The following SPMIP2 variants were observed in gnomAD, a reference collection of about 807,000 sequenced individuals.
SPMIP2 encodes the protein sperm microtubule inner protein 2.
the SPMIP2 span, among the ~76,000 whole-genome samples, chr4:159,058,336 A>G: frequency 6.6e-6 from 1 of 152,182 alleles, no homozygotes; most frequent in East Asian, 1.9e-4. Flanking sequence ...TCAAATCACA[A>G]TGTGCAATTT....
the SPMIP2 span, among the ~76,000 whole-genome samples, chr4:159,062,697 GTCTCTCTCTC>G: frequency 2.1e-5 from 2 of 95,150 alleles, no homozygotes; most frequent in African/African-American, 7.3e-5. Context: ...TTGAAACAGG[GTCTCTCTCTC>G]TCTCTCTCTC....
the SPMIP2 span, among the ~76,000 whole-genome samples, chr4:158,985,371 G>A: frequency 6.8e-6 from 1 of 147,858 alleles, no homozygotes; most frequent in South Asian, 2.2e-4. Context: ...GAACATTGAT[G>A]CAAAAATCCT....
At chr4:159,015,103 C>T in the SPMIP2 span, among the ~76,000 whole-genome samples, 6 of 152,332 alleles carry the variant, frequency 3.9e-5, no homozygotes, top group South Asian at 1.0e-3. Flanking sequence ...AATAATTTAA[C>T]AATATCGTCA....
the SPMIP2 span, among the ~76,000 whole-genome samples, chr4:159,053,693 G>T: frequency 1.3e-5 from 2 of 152,216 alleles, no homozygotes; most frequent in Admixed American, 6.5e-5. Flanking sequence ...TCCATGGGTG[G>T]TATAAGGTTG....
the SPMIP2 span, among the ~76,000 whole-genome samples, chr4:159,039,159 G>C: frequency 5.3e-5 from 8 of 151,984 alleles, no homozygotes; most frequent in African/African-American, 1.9e-4. Context: ...GGCTGGTCTG[G>C]AACTCCTGGG....
the SPMIP2 span, among the ~76,000 whole-genome samples, chr4:158,931,957 C>T: frequency 2.0e-5 from 3 of 151,984 alleles, no homozygotes; most frequent in Non-Finnish European, 2.9e-5. Flanking sequence ...GATACAATTT[C>T]CTTTAGTGCT....
the SPMIP2 span, among the ~76,000 whole-genome samples, chr4:159,049,354 TGAG>T: frequency 1.3e-5 from 2 of 152,230 alleles, no homozygotes; most frequent in Admixed American, 1.3e-4. Context: ...TGAAAATGGT[TGAG>T]AAGATGTAAG....
the SPMIP2 span, among the ~76,000 whole-genome samples, chr4:159,048,541 C>A: frequency 6.6e-6 from 1 of 151,968 alleles, no homozygotes; most frequent in Admixed American, 6.6e-5. Context: ...TGGACGTAAC[C>A]TAGAGCCACC....
the SPMIP2 span, among the ~76,000 whole-genome samples, chr4:158,930,191 GTCTCTCTCTCTCTC>G: frequency 6.9e-6 from 1 of 144,250 alleles, no homozygotes. Flanking sequence ...GAGGATCTCA[GTCTCTCTCTCTCTC>G]TCTCTCTCTC....
the SPMIP2 span, among the ~76,000 whole-genome samples, chr4:158,992,065 T>C: frequency 1.3e-5 from 2 of 152,230 alleles, no homozygotes; most frequent in East Asian, 3.9e-4. Context: ...CTAATTATTA[T>C]TATTATTTGT....
At chr4:159,007,803 C>A in the SPMIP2 span, 1 of 572,610 alleles carries the variant, frequency 1.7e-6, no homozygotes. Context: ...AATTGTCAAC[C>A]CGAAGGGTGA....
At chr4:158,928,976 G>T in the SPMIP2 span, among the ~76,000 whole-genome samples, 5 of 152,120 alleles carry the variant, frequency 3.3e-5, no homozygotes, top group Admixed American at 6.5e-5. Flanking sequence ...CTCCAGACGC[G>T]CCACCTTAAG....
chr4:158,914,796 G>A, the SPMIP2 span, among the ~76,000 whole-genome samples: 1 of 152,144 alleles, frequency 6.6e-6, no homozygotes, highest in Non-Finnish European at 1.5e-5. Flanking sequence ...GAATTCAAAC[G>A]GGTATAAGCT....
At chr4:158,901,128 ATTTTTTTTTTT>A in the SPMIP2 span, among the ~76,000 whole-genome samples, 503 of 112,300 alleles carry the variant, frequency 4.5e-3, no homozygotes, top group Middle Eastern at 0.033. Flanking sequence ...CTGGGTTGAA[ATTTTTTTTTTT>A]TTTTTTTTTT....
chr4:158,973,941 G>A, the SPMIP2 span, among the ~76,000 whole-genome samples: 1 of 136,250 alleles, frequency 7.3e-6, no homozygotes, highest in Non-Finnish European at 1.5e-5. Flanking sequence ...AGCTATGACT[G>A]TGCCACTGCA....
chr4:159,034,156 A>G, the SPMIP2 span, among the ~76,000 whole-genome samples: 37 of 152,308 alleles, frequency 2.4e-4, no homozygotes, highest in African/African-American at 8.9e-4. Flanking sequence ...ATAATTTGGA[A>G]AAAAAGGAAA....
the SPMIP2 span, chr4:158,905,954 TTATGAAG>T: frequency 3.3e-5 from 5 of 152,198 alleles, no homozygotes; most frequent in South Asian, 1.0e-3. Flanking sequence ...GAACCTAAGA[TTATGAAG>T]TAATTTCCCT....
At chr4:158,998,197 T>C in the SPMIP2 span, among the ~76,000 whole-genome samples, 1 of 152,192 alleles carries the variant, frequency 6.6e-6, no homozygotes, top group East Asian at 1.9e-4. Flanking sequence ...ATTTTTCTTT[T>C]AACTTTTTTC....
At chr4:158,958,427 T>C in the SPMIP2 span, among the ~76,000 whole-genome samples, 3 of 152,170 alleles carry the variant, frequency 2.0e-5, no homozygotes, top group African/African-American at 7.2e-5. Context: ...AGCCACTGTG[T>C]CCAGCCAATA....
Sources: allele counts gnomAD v4.1 joint callset (sites outside exome capture counted in the v4.1 genomes callset), GRCh38; gene constraint gnomAD v4.1.1; transcripts MANE v1.5; gene names NCBI Gene and HGNC (gene_info 2026-07-23, HGNC 2026-07-21).